KLF8: variants seen among roughly 807,000 people sequenced by gnomAD.
The protein encoded by KLF8 is Krueppel-like factor 8.
In KLF8, 10 loss-of-function variants were observed where a neutral mutation model predicts 18.2. That is an observed-to-expected ratio of 0.55 (90% CI 0.34 to 0.93). The LOEUF (loss-of-function observed/expected upper bound fraction) is 0.93. Ranked by LOEUF, KLF8 falls within the 40% of genes least tolerant of loss-of-function variation. The pLI is 0.02. For missense variants in KLF8, 264 were observed against 277.9 expected, an observed-to-expected ratio of 0.95 and a Z score of 0.36; for synonymous variants, 109 against 97.3, an observed-to-expected ratio of 1.12 and a Z score of -0.71.
At chrX:56,021,256 A>C in the KLF8 span, among the ~76,000 whole-genome samples, 177 of 111,862 alleles carry the variant, frequency 1.6e-3, no homozygotes, top group Admixed American at 2.8e-3. Flanking sequence ...TTTGAGATTC[A>C]TTGATGCTGT....
the KLF8 span, among the ~76,000 whole-genome samples, chrX:56,136,015 A>T: frequency 9.0e-6 from 1 of 111,711 alleles, no homozygotes; most frequent in Non-Finnish European, 1.9e-5. Context: ...TTCAAAGAGA[A>T]TAAAATACCT....
the KLF8 span, among the ~76,000 whole-genome samples, chrX:56,017,311 C>G: frequency 8.9e-6 from 1 of 112,300 alleles, no homozygotes; most frequent in African/African-American, 3.2e-5. Context: ...GGTAGGCTTC[C>G]AAGCACAATG....
At chrX:56,241,275 C>T (rs963329791) in intron 1 of KLF8, among the ~76,000 whole-genome samples, 5 of 111,617 alleles carry the variant, frequency 4.5e-5, no homozygotes, top group East Asian at 2.8e-4. Context: ...TAAAGTGACT[C>T]GTGCCTCAGC....
At chrX:56,279,681 A>G (rs138629915) in intron 5 of KLF8, among the ~76,000 whole-genome samples, 51 of 111,637 alleles carry the variant, frequency 4.6e-4, no homozygotes, top group African/African-American at 1.5e-3. Context: ...TGACAGCTCA[A>G]CTAGTATGTT....
chrX:56,200,175 T>C, the KLF8 span, among the ~76,000 whole-genome samples: 1 of 110,354 alleles, frequency 9.1e-6, no homozygotes, highest in African/African-American at 3.3e-5. Flanking sequence ...AGCACATGTA[T>C]ACCTATGTAC....
rs1023070176 is a variant in KLF8 at position 56,291,067 on chromosome X, C to T, written c.*6573C>T. Among the ~76,000 whole-genome samples, 9 of 111,515 alleles carry T rather than the reference C, an allele frequency of 8.1e-5. No homozygotes were observed. Among genetic ancestry groups the T allele is most frequent in the Non-Finnish European group, 1.7e-4 (9 of 53,041 alleles). On this transcript the variant is annotated 3_prime_UTR_variant, in exon 6 of 6. Coordinates refer to ENST00000468660, the MANE Select transcript of KLF8 (RefSeq NM_007250.5). ...GTGTCCATCCCTGTTTTTTGACAGG[C>T]AGTCACACAGGTGAGCAGTGCCAGA...
At chrX:56,282,109 A>G (rs1476791436) in intron 5 of KLF8, among the ~76,000 whole-genome samples, 1 of 112,497 alleles carries the variant, frequency 8.9e-6, no homozygotes. Context: ...AGATGCTATA[A>G]AATCACATAG....
At chrX:56,027,854 G>T in the KLF8 span, among the ~76,000 whole-genome samples, 1 of 112,714 alleles carries the variant, frequency 8.9e-6, no homozygotes, top group Non-Finnish European at 1.9e-5. Context: ...TTATGCGGGG[G>T]TTTTCACACA....
chrX:56,048,842 T>C, the KLF8 span, among the ~76,000 whole-genome samples: 1 of 111,859 alleles, frequency 8.9e-6, no homozygotes, highest in South Asian at 3.8e-4. Flanking sequence ...GCATTGAATC[T>C]TTAAATTACC....
At chrX:56,113,093 G>C in the KLF8 span, among the ~76,000 whole-genome samples, 6 of 108,896 alleles carry the variant, frequency 5.5e-5, no homozygotes, top group Non-Finnish European at 1.1e-4. Flanking sequence ...CATGGCTGTA[G>C]TCCCAGCTAC....
the KLF8 span, among the ~76,000 whole-genome samples, chrX:55,985,696 A>G: frequency 9.1e-6 from 1 of 109,432 alleles, no homozygotes; most frequent in Non-Finnish European, 1.9e-5. Context: ...TGGGAAGAGC[A>G]TTGAATCTAT....
the KLF8 span, among the ~76,000 whole-genome samples, chrX:56,188,486 C>T: frequency 8.9e-6 from 1 of 111,754 alleles, no homozygotes; most frequent in African/African-American, 3.3e-5. Context: ...CATCAAGCTA[C>T]CAATGACTTT....
At chrX:55,908,729 C>T in the KLF8 span, 3 of 285,940 alleles carry the variant, frequency 1.0e-5, no homozygotes, top group East Asian at 1.5e-4. Flanking sequence ...GAGCTCAATC[C>T]CGGCCCCGCC....
the KLF8 span, among the ~76,000 whole-genome samples, chrX:56,158,007 GT>G: frequency 8.9e-6 from 1 of 111,911 alleles, no homozygotes; most frequent in Admixed American, 9.5e-5. Flanking sequence ...TCCTTCTAGG[GT>G]TTTTACGGTT....
At chrX:56,040,706 T>C in the KLF8 span, among the ~76,000 whole-genome samples, 2 of 108,107 alleles carry the variant, frequency 1.9e-5, no homozygotes, top group Admixed American at 1.0e-4. Context: ...CTTCCAGGTT[T>C]TGTTATCAGG....
At chrX:56,103,771 G>A in the KLF8 span, among the ~76,000 whole-genome samples, 55 of 111,407 alleles carry the variant, frequency 4.9e-4, no homozygotes, top group Middle Eastern at 4.6e-3. Flanking sequence ...GATGAGAGTG[G>A]GCATGCCTTT....
intron 5 of KLF8, among the ~76,000 whole-genome samples, chrX:56,275,791 C>T (rs1409735569): frequency 8.9e-6 from 1 of 112,393 alleles, no homozygotes; most frequent in African/African-American, 3.2e-5. Context: ...TATGATGTAT[C>T]ACATTAATTG....
chrX:56,104,714 T>C, the KLF8 span, among the ~76,000 whole-genome samples: 1 of 111,571 alleles, frequency 9.0e-6, no homozygotes, highest in Non-Finnish European at 1.9e-5. Flanking sequence ...CTCTATCTCC[T>C]TCAGTTCTGC....
At chrX:56,071,548 C>CT in the KLF8 span, among the ~76,000 whole-genome samples, 1 of 111,939 alleles carries the variant, frequency 8.9e-6, no homozygotes, top group Non-Finnish European at 1.9e-5. Flanking sequence ...TCGATAGAAG[C>CT]TTTTCACTTC....
Sources: gnomAD v4.1 joint callset for allele counts (sites outside exome capture counted in the v4.1 genomes callset) on GRCh38, gnomAD v4.1.1 for gene constraint, MANE v1.5 for transcripts, NCBI Gene and HGNC (gene_info 2026-07-23, HGNC 2026-07-21) for gene names.